Variants in DBNDD1 observed in about 807,000 individuals in gnomAD.
DBNDD1 encodes dysbindin domain containing 1, also known as dysbindin domain-containing protein 1.
DBNDD1 carries 14 observed loss-of-function variants against 17.0 expected under a neutral mutation model. The observed-to-expected ratio is 0.82, with a 90% CI of 0.54 to 1.29. The LOEUF is 1.29. Ranked by LOEUF, DBNDD1 falls within the 50% of genes most tolerant of loss-of-function variation. The pLI is 0.00. For synonymous variants in DBNDD1, 105 were observed against 102.0 expected (o/e 1.03, Z -0.18); for missense variants, 221 against 216.2 (o/e 1.02, Z -0.14).
At chr16:90,013,938 G>T (rs1416274155) in intron 1 of DBNDD1, among the ~76,000 whole-genome samples, 1 of 142,092 alleles carries the variant, frequency 7.0e-6, no homozygotes, top group Non-Finnish European at 1.5e-5. Flanking sequence ...GGCGGGGGGG[G>T]ACATGCATAA....
intron 1 of DBNDD1, among the ~76,000 whole-genome samples, chr16:90,017,322 C>T (rs1320817093): frequency 1.3e-5 from 2 of 152,194 alleles, no homozygotes; most frequent in South Asian, 2.1e-4. Flanking sequence ...AGTGAAACCC[C>T]GTCTCTACTA....
chr16:90,010,613 G>C (rs527508689), intron 1 of DBNDD1, among the ~76,000 whole-genome samples: 3 of 151,442 alleles, frequency 2.0e-5, no homozygotes, highest in African/African-American at 7.3e-5. Flanking sequence ...ATAGGCATGA[G>C]CCACCGTGCC....
chr16:90,009,521 C>T lies in DBNDD1; in HGVS notation c.32-91G>A, dbSNP rs760001974. 40 of 1,559,622 alleles carry T rather than the reference C, an allele frequency of 2.6e-5. No individual in the cohort carries two copies. The South Asian group carries it at 4.2e-4, about 16-fold the overall frequency. Reference sequence around the variant, plus strand: ...GCTGGGTGTGAGGACTTGGCACATCCAGTCCTTTGAAACTCTGGGCAGTGA... The same window carrying T: ...GCTGGGTGTGAGGACTTGGCACATCTAGTCCTTTGAAACTCTGGGCAGTGA... On this transcript the variant is annotated intron_variant, in intron 1 of 3. Coordinates refer to ENST00000002501, the MANE Select transcript of DBNDD1 (RefSeq NM_001042610.3).
At chr16:90,007,518 G>GAC (rs967251639) in intron 3 of DBNDD1, 9 of 152,292 alleles carry the variant, frequency 5.9e-5, no homozygotes, top group Admixed American at 3.9e-4. Flanking sequence ...TTAGGAAGGA[G>GAC]ACACGACAAT....
At chr16:90,016,445 TCCAGGG>T (rs2035644624) in intron 1 of DBNDD1, among the ~76,000 whole-genome samples, 1 of 152,112 alleles carries the variant, frequency 6.6e-6, no homozygotes, top group African/African-American at 2.4e-5. Flanking sequence ...CCCCAAGGTC[TCCAGGG>T]CCAGGGCAGA....
chr16:90,006,580 C>CACT (rs1263978721), intron 3 of DBNDD1, 88 bp from the exon 4 acceptor site: 1 of 1,481,122 alleles, frequency 6.8e-7, no homozygotes, highest in African/African-American at 1.4e-5. Context: ...CCTCCTGCGC[C>CACT]ACTCCTGCCA....
At chr16:90,013,807 G>A (rs953922890) in intron 1 of DBNDD1, among the ~76,000 whole-genome samples, 6 of 152,148 alleles carry the variant, frequency 3.9e-5, no homozygotes, top group Non-Finnish European at 8.8e-5. Context: ...TCTGAGGGAC[G>A]GCCAGTGCCA....
In DBNDD1 at chr16:90,009,370, CCT is replaced by C. The variant is rs746864668; in HGVS notation, c.90_91del (p.Asp32GlnfsTer47). The C allele has an allele frequency of 2.1e-5, 34 of 1,613,292 alleles. No individual in the cohort carries two copies. Among genetic ancestry groups the C allele is most frequent in the Middle Eastern group, 1.6e-4 (1 of 6,084 alleles). On this transcript the variant is annotated frameshift_variant, in exon 2 of 4. Coordinates refer to ENST00000002501, the MANE Select transcript of DBNDD1 (RefSeq NM_001042610.3). LOFTEE classifies it high-confidence loss of function. ...CTCCACAGGCGTGTGGCCATTGTCC[CCT>C]GTCCCCTGGGCTGGGACGCCCAGCG...
intron 1 of DBNDD1, among the ~76,000 whole-genome samples, chr16:90,018,861 C>T (rs1012061777): frequency 1.6e-4 from 24 of 152,340 alleles, no homozygotes; most frequent in Admixed American, 7.2e-4. Context: ...TCCCTGCCCG[C>T]GAGTCTACGG....
Position 90,019,210 on chromosome 16 carries a change from C to T in DBNDD1, c.31+101G>A. 3.5e-6 allele frequency: 2 copies of T among 569,328 alleles called. No individual in the cohort carries two copies. The highest frequency in any genetic ancestry group is 8.6e-5 in the South Asian group (1 of 11,656). 35.3% of individuals were successfully genotyped at this position (569,328 alleles called of 1,614,324 possible). On this transcript the variant is annotated intron_variant, in intron 1 of 3. Coordinates refer to ENST00000002501, the MANE Select transcript of DBNDD1 (RefSeq NM_001042610.3). The surrounding 1 kb of genome is among the most constrained non-coding windows in gnomAD (Gnocchi z 6.1). ...CCCCGAGCTGCCAAAGGGGTCTTCGCGACTCCCGGGAGCGGCGAAGGGTGA... is the reference window on the plus strand; with the variant it reads ...CCCCGAGCTGCCAAAGGGGTCTTCGTGACTCCCGGGAGCGGCGAAGGGTGA...
At chr16:90,019,674 C>G, upstream of DBNDD1, 1 of 532,764 alleles carries the variant, frequency 1.9e-6, no homozygotes, top group South Asian at 2.4e-5. The surrounding 1 kb of genome is among the most constrained non-coding windows in gnomAD (Gnocchi z 6.1). Flanking sequence ...ACCACCGGGA[C>G]CTGGCTGCGC....
At chr16:90,011,732 G>C (rs1192214948) in intron 1 of DBNDD1, 1 of 450,496 alleles carries the variant, frequency 2.2e-6, no homozygotes. Context: ...AAAGGGTCAA[G>C]TTACTGGTGT....
chr16:90,019,773 T>C, upstream of DBNDD1: 1 of 691,876 alleles, frequency 1.4e-6, no homozygotes, highest in Non-Finnish European at 2.6e-6. This position sits in a 1 kb window ranked among gnomAD's most constrained non-coding sequence, Gnocchi z 6.1. Context: ...TTCCAGGTAC[T>C]TGCGTGTGGG....
Position 90,008,845 on chromosome 16 carries a change from C to T in DBNDD1, c.258G>A (p.Gln86=), listed in dbSNP as rs755095156. The T allele has an allele frequency of 1.2e-6, 2 of 1,604,876 alleles. No individual in the cohort carries two copies. Among genetic ancestry groups the T allele is most frequent in the East Asian group, 2.2e-5 (1 of 44,652 alleles). Reference sequence around the variant, plus strand: ...AGTCAGCAAAGACCTCGGCCAGCTCCTGGTCCGACATGTCGGTGAGCTCAG... The same window carrying T: ...AGTCAGCAAAGACCTCGGCCAGCTCTTGGTCCGACATGTCGGTGAGCTCAG... ...DLTELTDMSD[Q]ELAEVFADSD... The change falls in exon 3 of 4, where the codon CAG becomes CAA. Residue 86 remains glutamine, a synonymous_variant. Transcript: ENST00000002501.
Position 90,019,202 on chromosome 16 carries a change from G to A in DBNDD1, c.31+109C>T, listed in dbSNP as rs1320715406. On this transcript the variant is annotated intron_variant, in intron 1 of 3. Transcript: ENST00000002501. The surrounding 1 kb of genome is among the most constrained non-coding windows in gnomAD (Gnocchi z 6.1). Reference sequence around the variant, plus strand: ...CCGGACGACCCCGAGCTGCCAAAGGGGTCTTCGCGACTCCCGGGAGCGGCG... The same window carrying A: ...CCGGACGACCCCGAGCTGCCAAAGGAGTCTTCGCGACTCCCGGGAGCGGCG... 4 of 491,232 alleles carry A rather than the reference G, an allele frequency of 8.1e-6. No homozygotes were observed. The highest frequency in any genetic ancestry group is 4.7e-5 in the Admixed American group (1 of 21,300). 30.4% of individuals were successfully genotyped at this position (491,232 alleles called of 1,614,324 possible). A position where few individuals can be genotyped will look rare whatever the true frequency, so the allele number is the denominator to read the frequency against.
chr16:90,009,465 A>C, intron 1 of DBNDD1, 35 bp from the exon 2 acceptor site: 1 of 1,603,728 alleles, frequency 6.2e-7, no homozygotes, highest in Non-Finnish European at 8.5e-7. Flanking sequence ...CTTGAGATCC[A>C]CAGGGCTCCC....
At chr16:90,009,484 C>G in intron 1 of DBNDD1, 54 bp from the exon 2 acceptor site, 1 of 1,597,502 alleles carries the variant, frequency 6.3e-7, no homozygotes, top group Non-Finnish European at 8.5e-7. Context: ...CCACATCCCC[C>G]CAGGACGCGG....
At chr16:90,009,514 G>C in intron 1 of DBNDD1, 84 bp from the exon 2 acceptor site, 1 of 1,569,434 alleles carries the variant, frequency 6.4e-7, no homozygotes. Flanking sequence ...TGAGGACTTG[G>C]CACATCCAGT....
chr16:90,006,989 G>T (rs921739968), intron 3 of DBNDD1: 5 of 156,366 alleles, frequency 3.2e-5, no homozygotes, highest in Non-Finnish European at 1.4e-5. Context: ...TGAGTCCCCG[G>T]TGCAGGCTCT....
Sources: allele counts gnomAD v4.1 joint callset (sites outside exome capture counted in the v4.1 genomes callset), GRCh38; gene constraint gnomAD v4.1.1; non-coding constraint Gnocchi (gnomAD v3.1); transcripts MANE v1.5; gene names NCBI Gene and HGNC (gene_info 2026-07-23, HGNC 2026-07-21).